The following KREMEN1 variants were observed in gnomAD, a reference collection of about 807,000 sequenced individuals.
KREMEN1 encodes the protein kremen protein 1.
KREMEN1 carries 30 observed loss-of-function variants against 46.5 expected under a neutral mutation model. That is an observed-to-expected ratio of 0.65 (90% CI 0.48 to 0.88). The LOEUF is 0.88. Ranked by LOEUF, KREMEN1 falls within the 40% of genes least tolerant of loss-of-function variation. KREMEN1 has a pLI of 0.00. For synonymous variants in KREMEN1, 214 were observed against 230.6 expected (o/e 0.93, Z 0.65); for missense variants, 533 against 596.9 (o/e 0.89, Z 1.11).
At chr22:29,097,718 C>CTA (rs1486248500) in intron 2 of KREMEN1, among the ~76,000 whole-genome samples, 9 of 151,986 alleles carry the variant, frequency 5.9e-5, no homozygotes, top group African/African-American at 2.2e-4. Context: ...GGAGTATTCA[C>CTA]TATAGAGGAA....
At chr22:29,117,615 G>T (rs2038264273) in intron 3 of KREMEN1, among the ~76,000 whole-genome samples, 1 of 151,898 alleles carries the variant, frequency 6.6e-6, no homozygotes, top group Non-Finnish European at 1.5e-5. Flanking sequence ...TGTCACTTTG[G>T]AATTGTATAA....
chr22:29,127,619 C>T (rs970230495), intron 5 of KREMEN1, among the ~76,000 whole-genome samples: 2 of 151,874 alleles, frequency 1.3e-5, no homozygotes, highest in African/African-American at 2.4e-5. Flanking sequence ...GCTGAGATAG[C>T]GCTCTGCCTG....
At chr22:29,117,173 A>G (rs918951349) in intron 3 of KREMEN1, among the ~76,000 whole-genome samples, 1 of 152,156 alleles carries the variant, frequency 6.6e-6, no homozygotes, top group African/African-American at 2.4e-5. Context: ...GTACATGCGC[A>G]CATACACATG....
At chr22:29,117,592 G>A (rs953344524) in intron 3 of KREMEN1, among the ~76,000 whole-genome samples, 1 of 151,736 alleles carries the variant, frequency 6.6e-6, no homozygotes, top group Non-Finnish European at 1.5e-5. Flanking sequence ...TGCTATCTAA[G>A]AGTCTATATG....
downstream of KREMEN1, among the ~76,000 whole-genome samples, chr22:29,150,405 G>C (rs2038906215): frequency 6.6e-6 from 1 of 152,224 alleles, no homozygotes; most frequent in Non-Finnish European, 1.5e-5. Context: ...AGCGTTTTAG[G>C]GGGAAAGTAG....
At chr22:29,118,659 T>C (rs4823011) in intron 3 of KREMEN1, among the ~76,000 whole-genome samples, 55,252 of 151,868 alleles carry the variant, frequency 0.36, 11,592 homozygotes, top group East Asian at 0.66. Context: ...GCCATCATAA[T>C]CTCATCTAAA....
At chr22:29,166,459 C>T (rs1205364490) in intron 9 of KREMEN1, among the ~76,000 whole-genome samples, 1 of 152,180 alleles carries the variant, frequency 6.6e-6, no homozygotes, top group Non-Finnish European at 1.5e-5. Context: ...TGGGGAGGTC[C>T]CCCTAGACCT....
intron 3 of KREMEN1, among the ~76,000 whole-genome samples, chr22:29,116,814 T>C (rs2038247716): frequency 6.6e-6 from 1 of 152,182 alleles, no homozygotes; most frequent in African/African-American, 2.4e-5. Flanking sequence ...TCATATGCTC[T>C]TGACCAGAGA....
At chr22:29,163,533 C>A (rs1235910011) in intron 9 of KREMEN1, among the ~76,000 whole-genome samples, 1 of 152,040 alleles carries the variant, frequency 6.6e-6, no homozygotes, top group East Asian at 1.9e-4. Flanking sequence ...GCCACCACCA[C>A]GCCCAGCTAA....
chr22:29,126,499 G>A (rs941420427), intron 5 of KREMEN1, among the ~76,000 whole-genome samples: 4 of 151,964 alleles, frequency 2.6e-5, no homozygotes, highest in African/African-American at 7.3e-5. Context: ...TTCCCTCTGT[G>A]TGTGTCTGTG....
chr22:29,105,934 A>G (rs971583595), intron 3 of KREMEN1, among the ~76,000 whole-genome samples: 3 of 152,194 alleles, frequency 2.0e-5, no homozygotes, highest in Admixed American at 1.3e-4. Context: ...AAATAGATTT[A>G]AAATAGATTT....
chr22:29,075,837 T>G (rs890607236), intron 1 of KREMEN1, among the ~76,000 whole-genome samples: 1 of 152,252 alleles, frequency 6.6e-6, no homozygotes, highest in African/African-American at 2.4e-5. Context: ...ATATTTATAT[T>G]CTGCACAATT....
At chr22:29,165,001 C>T (rs1181931516) in intron 9 of KREMEN1, among the ~76,000 whole-genome samples, 5 of 151,820 alleles carry the variant, frequency 3.3e-5, no homozygotes, top group African/African-American at 7.3e-5. Flanking sequence ...GGTGAAACCC[C>T]GTCCCTACTA....
intron 7 of KREMEN1, 24 bp downstream of exon 7, chr22:29,138,806 ATGGGGGCT>A (rs1211200038): frequency 4.3e-6 from 7 of 1,614,078 alleles, no homozygotes; most frequent in Non-Finnish European, 3.4e-6. Flanking sequence ...GGCGCCACCC[ATGGGGGCT>A]GGAAGCCACA....
intron 1 of KREMEN1, among the ~76,000 whole-genome samples, chr22:29,074,523 G>C (rs2037535557): frequency 6.6e-6 from 1 of 152,240 alleles, no homozygotes; most frequent in South Asian, 2.1e-4. Flanking sequence ...TTTCTAAGTG[G>C]AAGAGAAGGC....
At chr22:29,121,619 A>G in intron 4 of KREMEN1, 138 bp downstream of exon 4, 1 of 984,086 alleles carries the variant, frequency 1.0e-6, no homozygotes, top group South Asian at 1.7e-5. Context: ...ACTTACATGA[A>G]TTGTCTAGAA....
chr22:29,118,977 A>G (rs1454727237), intron 3 of KREMEN1, among the ~76,000 whole-genome samples: 2 of 152,122 alleles, frequency 1.3e-5, no homozygotes, highest in Non-Finnish European at 2.9e-5. Context: ...GTTTCCCACA[A>G]CCCTCTCCTC....
intron 1 of KREMEN1, among the ~76,000 whole-genome samples, chr22:29,080,965 C>T (rs996897700): frequency 4.0e-3 from 158 of 39,668 alleles, no homozygotes; most frequent in African/African-American, 0.016. Context: ...TTTTTTTTAG[C>T]GTCAAGCTTT....
chr22:29,098,324 T>G (rs936209659), intron 2 of KREMEN1, among the ~76,000 whole-genome samples: 4 of 152,370 alleles, frequency 2.6e-5, no homozygotes, highest in African/African-American at 9.6e-5. Flanking sequence ...TGTTTCCACC[T>G]GTTTTTTATA....
Sources: gnomAD v4.1 joint callset for allele counts (sites outside exome capture counted in the v4.1 genomes callset) on GRCh38, gnomAD v4.1.1 for gene constraint, MANE v1.5 for transcripts, NCBI Gene and HGNC (gene_info 2026-07-23, HGNC 2026-07-21) for gene names.